NDUFA10: variants seen among roughly 807,000 people sequenced by gnomAD.
NDUFA10 encodes NADH dehydrogenase [ubiquinone] 1 alpha subcomplex subunit 10, mitochondrial.
A neutral mutation model predicts 47.8 loss-of-function variants in NDUFA10; 40 were observed. The ratio of observed to expected loss-of-function variants is 0.84; its 90% CI spans 0.65 to 1.09. The LOEUF is 1.09. Among genes scored for constraint, NDUFA10 ranks in the 50% least tolerant of loss-of-function variants. The pLI, the probability that NDUFA10 is intolerant of heterozygous loss-of-function variation, is 0.00. For missense variants in NDUFA10, 413 were observed against 451.1 expected (o/e 0.92, Z 0.76); for synonymous variants, 183 against 172.2 (o/e 1.06, Z -0.49).
At chr2:239,952,726 A>G (rs1019202942), downstream of NDUFA10, among the ~76,000 whole-genome samples, 2 of 152,164 alleles carry the variant, frequency 1.3e-5, no homozygotes, top group African/African-American at 4.8e-5. Context: ...TGTGCACCAC[A>G]TGGGGACAGG....
chr2:239,929,951 G>C lies in NDUFA10; in HGVS notation c.295-34637C>G, dbSNP rs145535446. The stretch of plus-strand genomic sequence containing the variant: ...GCTCCTCCACTGCCCCTGCTCCTCC[G>C]CTGCCCCTGCTTCTCCACCGCCCCT... On this transcript the variant is annotated intron_variant, in intron 4 of 5. Coordinates refer to the NDUFA10 transcript ENST00000419408. 1.8e-4 allele frequency among the ~76,000 whole-genome samples: 11 copies of C among 62,356 alleles called. No individual in the cohort carries two copies. The East Asian group carries it at 4.2e-3, about 24-fold the overall frequency. 40.9% of individuals were successfully genotyped at this position (62,356 alleles called of 152,430 possible).
intron 9 of NDUFA10, among the ~76,000 whole-genome samples, chr2:239,984,157 C>T (rs1210780351): frequency 6.6e-6 from 1 of 151,608 alleles, no homozygotes; most frequent in Non-Finnish European, 1.5e-5. Context: ...CGCTTAAACC[C>T]GGGAGGTGGA....
In NDUFA10 at chr2:240,005,146, C is replaced by G. The variant is rs558160487; in HGVS notation, c.890+64G>C. On this transcript the variant is annotated intron_variant, in intron 8 of 9. Transcript: ENST00000252711. ...TGAAACATAATTATTTCAAACTTCC[C>G]TAAGTTTCCCCATCATGCAAGTAGA... is the stretch of plus-strand genomic sequence containing the variant. 1.1e-3 allele frequency: 1,566 copies of G among 1,387,150 alleles called. 4 individuals carry two copies. Among genetic ancestry groups the G allele is most frequent in the Non-Finnish European group, 1.4e-3 (1,366 of 973,600 alleles). The allele number at this position is 1,387,150 out of a possible 1,614,324, so 85.9% of individuals were successfully genotyped here.
chr2:239,970,603 A>G (rs1358006946), intron 9 of NDUFA10, among the ~76,000 whole-genome samples: 3 of 152,248 alleles, frequency 2.0e-5, no homozygotes, highest in Non-Finnish European at 4.4e-5. Context: ...GTATATGAGA[A>G]TAACAGCACA....
rs777726262 is a variant in NDUFA10, at chr2:239,960,991, T to G, written c.*127A>C. The G allele has an allele frequency of 1.1e-5, 17 of 1,547,834 alleles. No homozygotes were observed. The highest frequency in any genetic ancestry group is 1.4e-5 in the Non-Finnish European group (16 of 1,146,662). ...GATGGATTGCTTTTTGTGAGACCCC[T>G]TCTTCCACTGTGCAATTTTTGCATT... On this transcript the variant is annotated 3_prime_UTR_variant, in exon 10 of 10. Coordinates refer to ENST00000252711, the MANE Select transcript of NDUFA10 (RefSeq NM_004544.4).
At chr2:240,010,874 C>T (rs1387214972) in intron 6 of NDUFA10, among the ~76,000 whole-genome samples, 1 of 152,024 alleles carries the variant, frequency 6.6e-6, no homozygotes, top group African/African-American at 2.4e-5. Flanking sequence ...TTCACAACTT[C>T]AGTTACTTTG....
chr2:240,019,386 C>G (rs1697512797), intron 3 of NDUFA10, among the ~76,000 whole-genome samples: 1 of 152,184 alleles, frequency 6.6e-6, no homozygotes, highest in African/African-American at 2.4e-5. Context: ...GAGATGGGAG[C>G]AAGCTGCACT....
intron 4 of NDUFA10, among the ~76,000 whole-genome samples, chr2:239,934,853 G>A (rs954549560): frequency 6.6e-6 from 1 of 152,118 alleles, no homozygotes; most frequent in Non-Finnish European, 1.5e-5. Flanking sequence ...TTCCACACAT[G>A]GGCCTGCAAC....
intron 9 of NDUFA10, among the ~76,000 whole-genome samples, chr2:239,989,485 T>C (rs893371657): frequency 2.6e-5 from 4 of 152,268 alleles, no homozygotes; most frequent in African/African-American, 7.2e-5. Context: ...TCCACTGACA[T>C]TGGGATTTGC....
At chr2:239,920,640 T>C (rs1693955691) in intron 4 of NDUFA10, among the ~76,000 whole-genome samples, 1 of 152,128 alleles carries the variant, frequency 6.6e-6, no homozygotes, top group South Asian at 2.1e-4. Context: ...ATCCAACTGC[T>C]CCACACAGTT....
At chr2:239,974,012 C>A (rs768819823) in intron 9 of NDUFA10, among the ~76,000 whole-genome samples, 8 of 152,104 alleles carry the variant, frequency 5.3e-5, no homozygotes, top group African/African-American at 1.9e-4. Flanking sequence ...CTGCAACCCC[C>A]GCCTCCTGGA....
intron 4 of NDUFA10, among the ~76,000 whole-genome samples, chr2:239,936,883 C>T (rs1188837437): frequency 6.6e-6 from 1 of 152,228 alleles, no homozygotes; most frequent in Non-Finnish European, 1.5e-5. Flanking sequence ...TTGCTTGAAT[C>T]TGAGAGGCGG....
At chr2:239,913,987 G>C (rs1693797223) in intron 4 of NDUFA10, among the ~76,000 whole-genome samples, 1 of 152,228 alleles carries the variant, frequency 6.6e-6, no homozygotes, top group Admixed American at 6.5e-5. Flanking sequence ...GTGGAACAAG[G>C]GTGGGCAGGA....
chr2:239,937,313 T>C (rs1694281239), intron 4 of NDUFA10, among the ~76,000 whole-genome samples: 1 of 152,222 alleles, frequency 6.6e-6, no homozygotes, highest in Non-Finnish European at 1.5e-5. Context: ...GCGGTATGAT[T>C]TTAGAACATT....
chr2:239,946,569 C>G (rs1694457118), intron 4 of NDUFA10, among the ~76,000 whole-genome samples: 1 of 152,246 alleles, frequency 6.6e-6, no homozygotes, highest in African/African-American at 2.4e-5. Flanking sequence ...GGTCAACACT[C>G]ACGGACGCTA....
In NDUFA10 at chr2:239,983,836, T is replaced by C. The variant is rs976409582; in HGVS notation, c.999+6238A>G. The C allele has an allele frequency of 4.8e-6, 7 of 1,451,700 alleles. No homozygotes were observed. In the South Asian group the frequency reaches 9.9e-5, roughly 20 times the overall value. 89.9% of individuals were successfully genotyped at this position (1,451,700 alleles called of 1,614,324 possible). A position where few individuals can be genotyped will look rare whatever the true frequency, so the allele number is the denominator to read the frequency against. On this transcript the variant is annotated intron_variant, in intron 9 of 9. Transcript: ENST00000252711. ...CAACCAAGAGGTACCTAAGGAGACA[T>C]GAGGACCCAATGTCATGTGATATTC...
intron 4 of NDUFA10, among the ~76,000 whole-genome samples, chr2:239,942,756 C>T (rs933432977): frequency 5.9e-5 from 9 of 152,118 alleles, no homozygotes; most frequent in Non-Finnish European, 1.5e-5. Flanking sequence ...CTCCCCTTCC[C>T]TGCCTTTCCA....
At chr2:239,964,688 C>T (rs967493776) in intron 9 of NDUFA10, among the ~76,000 whole-genome samples, 1 of 152,194 alleles carries the variant, frequency 6.6e-6, no homozygotes, top group Non-Finnish European at 1.5e-5. Flanking sequence ...CAGCAAGGCC[C>T]TCCAGGAACA....
chr2:239,898,703 A>G (rs1045676591), intron 4 of NDUFA10, among the ~76,000 whole-genome samples: 5 of 152,248 alleles, frequency 3.3e-5, no homozygotes, highest in Admixed American at 6.5e-5. Flanking sequence ...CACAGGCAAG[A>G]TGAGAAGAGC....
Sources: allele counts gnomAD v4.1 joint callset (sites outside exome capture counted in the v4.1 genomes callset), GRCh38; gene constraint gnomAD v4.1.1; transcripts MANE v1.5; gene names NCBI Gene and HGNC (gene_info 2026-07-23, HGNC 2026-07-21).